Variants in FANCB observed in about 807,000 individuals in gnomAD.
FANCB encodes FA complementation group B, also known as Fanconi anemia group B protein.
In FANCB, 5 loss-of-function variants were observed where a neutral mutation model predicts 38.9. The ratio of observed to expected loss-of-function variants is 0.13; its 90% confidence interval spans 0.07 to 0.27. The LOEUF is 0.27. FANCB is among the 10% of genes least tolerant of loss of function. The pLI is 1.00. For missense variants in FANCB, 573 were observed against 602.7 expected, an observed-to-expected ratio of 0.95 and a Z score of 0.52; for synonymous variants, 236 against 215.4, an observed-to-expected ratio of 1.10 and a Z score of -0.84.
chrX:14,702,167 A>G, the FANCB span, among the ~76,000 whole-genome samples: 1 of 111,924 alleles, frequency 8.9e-6, no homozygotes, highest in African/African-American at 3.3e-5. Context: ...CATCATAAAA[A>G]GTTGAGTCAG....
chrX:14,736,557 G>A, the FANCB span, among the ~76,000 whole-genome samples: 45 of 111,235 alleles, frequency 4.0e-4, no homozygotes, highest in African/African-American at 1.3e-3. Context: ...CTCACCCTCC[G>A]TGGGCTGCAC....
chrX:14,871,614 ATC>A (rs2092496757), intron 1 of FANCB, among the ~76,000 whole-genome samples: 3 of 75,884 alleles, frequency 4.0e-5, no homozygotes, highest in Non-Finnish European at 7.7e-5. Flanking sequence ...AGATCTATCT[ATC>A]TATATATGTG....
downstream of FANCB, among the ~76,000 whole-genome samples, chrX:14,832,118 C>T (rs146363350): frequency 3.0e-3 from 331 of 111,488 alleles, 1 homozygote; most frequent in African/African-American, 9.7e-3. Flanking sequence ...TAATAAAATA[C>T]CAAAAACTGG....
chrX:14,759,179 G>T, the FANCB span, among the ~76,000 whole-genome samples: 1 of 111,378 alleles, frequency 9.0e-6, no homozygotes, highest in Non-Finnish European at 1.9e-5. Context: ...AAAGAAAAAA[G>T]AATTTTAAAA....
downstream of FANCB, among the ~76,000 whole-genome samples, chrX:14,839,297 C>T (rs188527902): frequency 8.4e-4 from 91 of 108,575 alleles, 2 homozygotes; most frequent in East Asian, 0.022. Flanking sequence ...GTCTCAAAAA[C>T]AAAAACAACA....
chrX:14,841,834 C>T (rs1445750523), downstream of FANCB, among the ~76,000 whole-genome samples: 1 of 111,686 alleles, frequency 9.0e-6, no homozygotes, highest in East Asian at 2.8e-4. Flanking sequence ...TACTGGAGTA[C>T]AAAATTCACT....
chrX:14,869,530 C>T (rs181167765), intron 1 of FANCB, among the ~76,000 whole-genome samples: 72 of 111,896 alleles, frequency 6.4e-4, no homozygotes, highest in African/African-American at 2.3e-3. Flanking sequence ...GAGGTAAAAG[C>T]TTCTTAATTA....
At chrX:14,781,639 AG>A in the FANCB span, among the ~76,000 whole-genome samples, 1 of 110,866 alleles carries the variant, frequency 9.0e-6, no homozygotes, top group Admixed American at 9.6e-5. Context: ...AAAAGTAAAG[AG>A]GTGGTTCAAG....
At chrX:14,774,206 G>A in the FANCB span, among the ~76,000 whole-genome samples, 3 of 111,664 alleles carry the variant, frequency 2.7e-5, no homozygotes, top group Non-Finnish European at 3.8e-5. Context: ...CATTCTAATT[G>A]AAAAGTTAAA....
chrX:14,775,199 C>T, the FANCB span, among the ~76,000 whole-genome samples: 1 of 65,038 alleles, frequency 1.5e-5, no homozygotes, highest in Non-Finnish European at 3.0e-5. Flanking sequence ...ACTTTGGTAC[C>T]GTCATTCTGA....
At chrX:14,717,110 G>A in the FANCB span, among the ~76,000 whole-genome samples, 3 of 111,335 alleles carry the variant, frequency 2.7e-5, no homozygotes, top group African/African-American at 9.8e-5. Flanking sequence ...CAAGTCCAGT[G>A]CCTGCCCTAT....
chrX:14,807,772 A>G, the FANCB span, among the ~76,000 whole-genome samples: 1 of 112,131 alleles, frequency 8.9e-6, no homozygotes, highest in Non-Finnish European at 1.9e-5. Context: ...TCAATGAATC[A>G]AAAAGTTGGT....
chrX:14,762,412 G>A, the FANCB span, among the ~76,000 whole-genome samples: 159 of 111,156 alleles, frequency 1.4e-3, no homozygotes, highest in African/African-American at 5.0e-3. Context: ...CTCCCACAGT[G>A]TTGAGATTAC....
At chrX:14,829,891 T>C in the FANCB span, among the ~76,000 whole-genome samples, 1 of 112,521 alleles carries the variant, frequency 8.9e-6, no homozygotes, top group Non-Finnish European at 1.9e-5. Context: ...AACGTTTCCC[T>C]TGCATTCATG....
At chrX:14,762,747 C>CCAGA in the FANCB span, among the ~76,000 whole-genome samples, 1 of 112,075 alleles carries the variant, frequency 8.9e-6, no homozygotes, top group Non-Finnish European at 1.9e-5. Context: ...AACATCAACA[C>CCAGA]CAGACTCAAT....
chrX:14,819,916 T>C, the FANCB span, among the ~76,000 whole-genome samples: 3 of 111,625 alleles, frequency 2.7e-5, no homozygotes, highest in East Asian at 2.8e-4. Flanking sequence ...ATTCTCCAAA[T>C]TGTAGCCGGA....
At chrX:14,842,158 A>G (rs2092357095), downstream of FANCB, among the ~76,000 whole-genome samples, 2 of 112,136 alleles carry the variant, frequency 1.8e-5, no homozygotes, top group South Asian at 7.4e-4. Flanking sequence ...CCATTTCCAT[A>G]TGCAGAAAGT....
At chrX:14,819,393 A>G in the FANCB span, among the ~76,000 whole-genome samples, 5 of 112,139 alleles carry the variant, frequency 4.5e-5, no homozygotes, top group Non-Finnish European at 9.4e-5. Flanking sequence ...GCCAATGAAC[A>G]GTTTATTGTC....
At chrX:14,792,532 C>A in the FANCB span, among the ~76,000 whole-genome samples, 1,011 of 110,730 alleles carry the variant, frequency 9.1e-3, 13 homozygotes, top group African/African-American at 0.032. Context: ...TTCAAAAATT[C>A]AATATATTGT....
Sources: gnomAD v4.1 joint callset for allele counts (sites outside exome capture counted in the v4.1 genomes callset) on GRCh38, gnomAD v4.1.1 for gene constraint, MANE v1.5 for transcripts, NCBI Gene and HGNC (gene_info 2026-07-23, HGNC 2026-07-21) for gene names.